TBC1D4: variants seen among roughly 807,000 people sequenced by gnomAD.
TBC1D4 encodes TBC (Tre-2, BUB2, CDC16) domain-containing protein.
A neutral mutation model predicts 142.5 loss-of-function variants in TBC1D4; 121 were observed. The observed-to-expected ratio is 0.85, with a 90% CI of 0.73 to 0.99. The LOEUF is 0.99. Among genes scored for constraint, TBC1D4 ranks in the 50% least tolerant of loss-of-function variants. TBC1D4 has a pLI of 0.00. For missense variants in TBC1D4, 1,475 were observed against 1,606.6 expected (o/e 0.92, Z 1.40); for synonymous variants, 630 against 628.2 (o/e 1.00, Z -0.04).
chr13:75,440,508 T>G (rs1370759643), intron 1 of TBC1D4, among the ~76,000 whole-genome samples: 1 of 151,962 alleles, frequency 6.6e-6, no homozygotes, highest in Non-Finnish European at 1.5e-5. Context: ...AGGGAACCAA[T>G]TGTTAAGGGC....
At chr13:75,325,138 AAG>A (rs1444965591) in intron 10 of TBC1D4, among the ~76,000 whole-genome samples, 2 of 152,188 alleles carry the variant, frequency 1.3e-5, no homozygotes, top group Non-Finnish European at 2.9e-5. Flanking sequence ...TGGAAAAAAA[AAG>A]AGTTCTATTG....
At chr13:75,300,395 A>T (rs1384266225) in intron 16 of TBC1D4, among the ~76,000 whole-genome samples, 1 of 147,904 alleles carries the variant, frequency 6.8e-6, no homozygotes, top group South Asian at 2.1e-4. Flanking sequence ...GCATTTTTCT[A>T]GGGCCACAAA....
In TBC1D4 at chr13:75,292,250, G is replaced by T; in HGVS notation, c.3338C>A (p.Thr1113Asn). ...RVFDIIFLQG[T>N]EVIFKVALSL... The stretch of plus-strand genomic sequence containing the variant: ...GAGTGCAACCTTGAATATAACTTCA[G>T]TTCCCTGAAGAAAAATAATATCTAA... The change falls in exon 19 of 21, where the codon ACT (threonine) becomes AAT (asparagine). Residue 1113 changes from threonine (T) to asparagine (N), a missense_variant. Thr to Asn is a moderately conservative substitution (Grantham distance 65). Coordinates refer to ENST00000377636, the MANE Select transcript of TBC1D4 (RefSeq NM_014832.5). 1.2e-6 allele frequency: 2 copies of T among 1,612,300 alleles called. No homozygotes were observed. Among genetic ancestry groups the T allele is most frequent in the Non-Finnish European group, 1.7e-6 (2 of 1,179,212 alleles).
At chr13:75,368,216 C>T (rs1170337863) in intron 1 of TBC1D4, among the ~76,000 whole-genome samples, 1 of 152,174 alleles carries the variant, frequency 6.6e-6, no homozygotes, top group African/African-American at 2.4e-5. Context: ...AACTAAGGGT[C>T]TCCTTAAGGA....
intron 13 of TBC1D4, among the ~76,000 whole-genome samples, chr13:75,312,498 T>C (rs1358747865): frequency 6.6e-6 from 1 of 151,818 alleles, no homozygotes; most frequent in East Asian, 1.9e-4. Flanking sequence ...TCCGTCTACC[T>C]TGTGGAGTAG....
rs564838950 is a variant in TBC1D4, at chr13:75,447,212, A to G, written c.498+34058T>C. Among the ~76,000 whole-genome samples the G allele has an allele frequency of 5.3e-5, 8 of 152,266 alleles. 1 individual carries two copies. In the South Asian group the frequency reaches 1.0e-3, roughly 20 times the overall value. ...TTAGTAGATTTGGTAAACTTATATC[A>G]ACGGTAGAAGTATGGAAGGATTAAG... On this transcript the variant is annotated intron_variant, in intron 1 of 20. Transcript: ENST00000377636.
intron 1 of TBC1D4, among the ~76,000 whole-genome samples, chr13:75,421,371 C>T (rs1412915142): frequency 1.3e-5 from 2 of 152,204 alleles, no homozygotes; most frequent in Non-Finnish European, 2.9e-5. Flanking sequence ...TTTGTGAACT[C>T]AGCTGGGGAG....
intron 1 of TBC1D4, among the ~76,000 whole-genome samples, chr13:75,371,785 T>C (rs1341915437): frequency 6.6e-6 from 1 of 152,192 alleles, no homozygotes; most frequent in African/African-American, 2.4e-5. Context: ...CTGTTTTCTC[T>C]GCCATTAGGA....
intron 5 of TBC1D4, 82 bp downstream of exon 5, chr13:75,349,088 C>T: frequency 6.3e-7 from 1 of 1,585,302 alleles, no homozygotes; most frequent in Non-Finnish European, 8.6e-7. Flanking sequence ...AAACAAAGAA[C>T]TATTCAATGA....
At position 75,286,666 on chromosome 13, in the gene TBC1D4, G is replaced by C; in HGVS notation, c.*126C>G. The stretch of plus-strand genomic sequence containing the variant: ...GCACGAGGTCCACCTGCTGTGACTA[G>C]GCGCTCAGCACCAGTATTAGGTGGT... On this transcript the variant is annotated 3_prime_UTR_variant, in exon 21 of 21. Transcript: ENST00000377636. The C allele has an allele frequency of 3.3e-6, 3 of 921,334 alleles. No homozygotes were observed. Among genetic ancestry groups the C allele is most frequent in the Non-Finnish European group, 1.7e-6 (1 of 580,678 alleles). The allele number at this position is 921,334 out of a possible 1,614,324, so 57.1% of individuals were successfully genotyped here. A position where few individuals can be genotyped will look rare whatever the true frequency, so the allele number is the denominator to read the frequency against.
At chr13:75,477,005 T>C (rs1028239408) in intron 1 of TBC1D4, among the ~76,000 whole-genome samples, 1 of 152,218 alleles carries the variant, frequency 6.6e-6, no homozygotes, top group Non-Finnish European at 1.5e-5. Flanking sequence ...TGGGAGTCTC[T>C]GGGCTATGTT....
At position 75,303,004 on chromosome 13, in the gene TBC1D4, A is replaced by G. The variant is rs1430261422; in HGVS notation, c.2753-603T>C. Among the ~76,000 whole-genome samples, 4 of 152,232 alleles carry G rather than the reference A, an allele frequency of 2.6e-5. No homozygotes were observed. The East Asian group carries it at 7.7e-4, about 29-fold the overall frequency. On this transcript the variant is annotated intron_variant, in intron 15 of 20. Coordinates refer to ENST00000377636, the MANE Select transcript of TBC1D4 (RefSeq NM_014832.5). Reference sequence around the variant, plus strand: ...ACTTTATAATAGAGAATCAAATAGCATTCTTATATGGGCATTAAAAATGAA... The same window carrying G: ...ACTTTATAATAGAGAATCAAATAGCGTTCTTATATGGGCATTAAAAATGAA...
At position 75,312,836 on chromosome 13, in the gene TBC1D4, C is replaced by T. The variant is rs1179891601; in HGVS notation, c.2285G>A (p.Gly762Glu). 5 of 1,614,154 alleles carry T rather than the reference C, an allele frequency of 3.1e-6. No individual in the cohort carries two copies. The highest frequency in any genetic ancestry group is 2.2e-5 in the East Asian group (1 of 44,870). Residue 762 changes from glycine to glutamate, a missense_variant, in exon 13 of 21, where the codon GGA becomes GAA. By Grantham distance (98) the Gly-to-Glu change is moderately conservative (BLOSUM62 -2). Around this residue, in one of 2 missense-constraint regions of TBC1D4, gnomAD observed 1,227 missense variants for 1,267.7 expected, o/e 0.97. Transcript: ENST00000377636. The stretch of plus-strand genomic sequence containing the variant: ...GATCCGGCGAGGAGTGACAGAGGTT[C>T]CTCCCACACTTAGGGACTCATTGCT... ...TCSNESLSVG[G>E]TSVTPRRISW...
chr13:75,465,632 A>G (rs1888135058), intron 1 of TBC1D4, among the ~76,000 whole-genome samples: 1 of 152,132 alleles, frequency 6.6e-6, no homozygotes, highest in African/African-American at 2.4e-5. Context: ...CTCTCAGCAA[A>G]GGGCATTCCA....
chr13:75,469,500 G>A (rs1051028465), intron 1 of TBC1D4, among the ~76,000 whole-genome samples: 4 of 152,206 alleles, frequency 2.6e-5, no homozygotes, highest in African/African-American at 9.7e-5. Context: ...GCCAGGTGCT[G>A]TGGCTCATAC....
chr13:75,450,965 A>G (rs975100741), intron 1 of TBC1D4, among the ~76,000 whole-genome samples: 1 of 152,240 alleles, frequency 6.6e-6, no homozygotes, highest in Non-Finnish European at 1.5e-5. Flanking sequence ...CCAGGGATTT[A>G]GAAGTTACCA....
At chr13:75,453,170 A>G (rs1887598146) in intron 1 of TBC1D4, among the ~76,000 whole-genome samples, 1 of 151,744 alleles carries the variant, frequency 6.6e-6, no homozygotes, top group Non-Finnish European at 1.5e-5. Flanking sequence ...TTTATATTAT[A>G]TTACTTTATA....
intron 1 of TBC1D4, among the ~76,000 whole-genome samples, chr13:75,389,938 A>G (rs909525017): frequency 4.6e-5 from 7 of 152,312 alleles, no homozygotes; most frequent in African/African-American, 9.6e-5. Flanking sequence ...AACAGAAACA[A>G]TAAGTACTGA....
At chr13:75,466,725 G>T (rs1349330018) in intron 1 of TBC1D4, among the ~76,000 whole-genome samples, 1 of 151,908 alleles carries the variant, frequency 6.6e-6, no homozygotes, top group Non-Finnish European at 1.5e-5. Flanking sequence ...ACAAAAATTA[G>T]CTGGGCATGG....
Sources: allele counts gnomAD v4.1 joint callset (sites outside exome capture counted in the v4.1 genomes callset), GRCh38; gene constraint gnomAD v4.1.1; regional missense constraint gnomAD v4.1.1; transcripts MANE v1.5; gene names NCBI Gene and HGNC (gene_info 2026-07-23, HGNC 2026-07-21).